The following KRTAP4-12 variants were observed in gnomAD, a reference collection of about 807,000 sequenced individuals.
KRTAP4-12 encodes the protein keratin-associated protein 4-12.
KRTAP4-12 carries 1 observed loss-of-function variant against 0.9 expected under a neutral mutation model. The observed-to-expected ratio is 1.11, with a 90% CI of 0.40 to 5.29. The LOEUF is 5.29. KRTAP4-12 is among the 30% of genes most tolerant of loss of function. KRTAP4-12 has a pLI of 0.16. For missense variants in KRTAP4-12, 240 were observed against 265.6 expected (o/e 0.90, Z 0.67); for synonymous variants, 85 against 94.0 (o/e 0.90, Z 0.55).
rs137999130 is a variant in KRTAP4-12, at chr17:41,123,664, G to C, written c.459C>G (p.Pro153=). Residue 153 remains proline (P), a synonymous_variant, in exon 1 of 1, where the codon CCC becomes CCG. Transcript: ENST00000394014. Reference sequence around the variant, plus strand: ...GGCAGCAGCTGGATTCACAGCAAGAGGGGCAGCAGCTGCTGGAGATGCAGC... The same window carrying C: ...GGCAGCAGCTGGATTCACAGCAAGACGGGCAGCAGCTGCTGGAGATGCAGC... ...PSCCISSSCC[P]SCCESSCCRP... is the part of the protein sequence containing the mutation. The C allele has an allele frequency of 1.6e-3, 2,587 of 1,613,388 alleles. 45 individuals are homozygous for C. The African/African-American group carries it at 0.03, about 19-fold the overall frequency.
Position 41,123,227 on chromosome 17 carries a change from T to C in KRTAP4-12, c.*290A>G, listed in dbSNP as rs1397468775. ...GCTTTAAGATCTGTGGCCCTACAAA[T>C]GATGGAGGCAATCTTCAAATTCCTT... is the stretch of plus-strand genomic sequence containing the variant. On this transcript the variant is annotated 3_prime_UTR_variant, in exon 1 of 1. Transcript: ENST00000394014. 2 of 587,370 alleles carry C rather than the reference T, an allele frequency of 3.4e-6. No homozygotes were observed. Among genetic ancestry groups the C allele is most frequent in the East Asian group, 6.1e-5 (2 of 33,010 alleles). The allele number at this position is 587,370 out of a possible 1,614,324, so 36.4% of individuals were successfully genotyped here.
Position 41,123,327 on chromosome 17 carries a change from G to A in KRTAP4-12, c.*190C>T. 3 of 1,144,492 alleles carry A rather than the reference G, an allele frequency of 2.6e-6. No individual in the cohort carries two copies. Among genetic ancestry groups the A allele is most frequent in the Non-Finnish European group, 3.6e-6 (3 of 823,624 alleles). The allele number at this position is 1,144,492 out of a possible 1,614,324, so 70.9% of individuals were successfully genotyped here. On this transcript the variant is annotated 3_prime_UTR_variant, in exon 1 of 1. Coordinates refer to ENST00000394014, the MANE Select transcript of KRTAP4-12 (RefSeq NM_031854.3). The stretch of plus-strand genomic sequence containing the variant: ...AGGACAATTTGTCAATTTATTAGGA[G>A]ATTGTCAATGAATTCCTTTGGAAGG...
chr17:41,123,362 T>C lies in KRTAP4-12; in HGVS notation c.*155A>G. ...GAATTCCTTTGGAAGGAAGGGAGTT[T>C]GGACAAAAGGTAGAATGCAAATACA... is the stretch of plus-strand genomic sequence containing the variant. On this transcript the variant is annotated 3_prime_UTR_variant, in exon 1 of 1. Transcript: ENST00000394014. The C allele has an allele frequency of 7.3e-7, 1 of 1,378,292 alleles. No homozygotes were observed. The highest frequency in any genetic ancestry group is 9.7e-7 in the Non-Finnish European group (1 of 1,035,454). The allele number at this position is 1,378,292 out of a possible 1,614,324, so 85.4% of individuals were successfully genotyped here.
In KRTAP4-12 at chr17:41,123,413, A is replaced by T. The variant is rs892974278; in HGVS notation, c.*104T>A. Reference sequence around the variant, plus strand: ...GAATTTCTAAGGATGAGGTTTGCTTATGGGACCCAGATCAATTCTCTTGAA... The same window carrying T: ...GAATTTCTAAGGATGAGGTTTGCTTTTGGGACCCAGATCAATTCTCTTGAA... On this transcript the variant is annotated 3_prime_UTR_variant, in exon 1 of 1. Transcript: ENST00000394014. The T allele has an allele frequency of 1.9e-5, 28 of 1,464,872 alleles. 1 individual carries two copies. The African/African-American group carries it at 3.0e-4, about 16-fold the overall frequency. 90.7% of individuals were successfully genotyped at this position (1,464,872 alleles called of 1,614,324 possible).
Position 41,123,181 on chromosome 17 carries a change from C to T in KRTAP4-12, c.*336G>A, listed in dbSNP as rs149098924. ...GCAAAAGACTTTAAGAGAGAGACTT[C>T]ACTGGACTTCAAGGTTGGAGGCTTT... is the stretch of plus-strand genomic sequence containing the variant. On this transcript the variant is annotated 3_prime_UTR_variant, in exon 1 of 1. Transcript: ENST00000394014. 550 of 464,420 alleles carry T rather than the reference C, an allele frequency of 1.2e-3. 8 individuals carry two copies. Among genetic ancestry groups the T allele is most frequent in the African/African-American group, 9.8e-3 (502 of 51,106 alleles). 28.8% of individuals were successfully genotyped at this position (464,420 alleles called of 1,614,324 possible). A position where few individuals can be genotyped will look rare whatever the true frequency, so the allele number is the denominator to read the frequency against.
In KRTAP4-12 at chr17:41,123,325, G is replaced by A; in HGVS notation, c.*192C>T. On this transcript the variant is annotated 3_prime_UTR_variant, in exon 1 of 1. Coordinates refer to ENST00000394014, the MANE Select transcript of KRTAP4-12 (RefSeq NM_031854.3). ...GGAGGACAATTTGTCAATTTATTAG[G>A]AGATTGTCAATGAATTCCTTTGGAA... The A allele has an allele frequency of 8.9e-7, 1 of 1,128,082 alleles. No homozygotes were observed. The allele number at this position is 1,128,082 out of a possible 1,614,324, so 69.9% of individuals were successfully genotyped here.
chr17:41,124,001 C>T lies in KRTAP4-12; in HGVS notation c.122G>A (p.Cys41Tyr), dbSNP rs551903430. ...CTGGGGCCTGCAGCAGCTGGACACA[C>T]AGCAGCTGGGGCGGCAGCAGGTGGT... ...CRTTCCRPSC[C>Y]VSSCCRPQCC... Residue 41 changes from cysteine to tyrosine, a missense_variant, in exon 1 of 1, where the codon TGT becomes TAT. Physicochemically the swap from Cys to Tyr is radical, Grantham distance 194. Coordinates refer to ENST00000394014, the MANE Select transcript of KRTAP4-12 (RefSeq NM_031854.3). The T allele has an allele frequency of 6.2e-7, 1 of 1,605,580 alleles. No individual in the cohort carries two copies. Among genetic ancestry groups the T allele is most frequent in the South Asian group, 1.1e-5 (1 of 90,614 alleles).
Position 41,123,643 on chromosome 17 carries a change from G to A in KRTAP4-12, c.480C>T (p.Cys160=). 6.2e-7 allele frequency: 1 copy of A among 1,613,488 alleles called. No homozygotes were observed. The highest frequency in any genetic ancestry group is 1.7e-5 in the Admixed American group (1 of 59,892). Residue 160 remains cysteine (C), a synonymous_variant, in exon 1 of 1, where the codon TGC becomes TGT. Transcript: ENST00000394014. ...SCCPSCCESS[C]CRPCCCLRPV... ...GACGCAGGCAGCAGCAGGGGCGGCA[G>A]CAGCTGGATTCACAGCAAGAGGGGC... is the stretch of plus-strand genomic sequence containing the variant.
Position 41,124,150 on chromosome 17 carries a change from G to T in KRTAP4-12, c.-28C>A, listed in dbSNP as rs746734102. ...TGTCAGAGGGTGGAGGTTCTCGGTG[G>T]GTTTCCAGGAGAGTGAGTGTTCTGA... On this transcript the variant is annotated 5_prime_UTR_variant, in exon 1 of 1. Coordinates refer to ENST00000394014, the MANE Select transcript of KRTAP4-12 (RefSeq NM_031854.3). 1.3e-6 allele frequency: 2 copies of T among 1,584,554 alleles called. No homozygotes were observed. The highest frequency in any genetic ancestry group is 2.3e-5 in the South Asian group (2 of 86,554).
rs1473689849 is a variant in KRTAP4-12 at position 41,123,332 on chromosome 17, T to C, written c.*185A>G. The C allele has an allele frequency of 1.7e-6, 2 of 1,181,590 alleles. No individual in the cohort carries two copies. Among genetic ancestry groups the C allele is most frequent in the African/African-American group, 3.1e-5 (2 of 64,238 alleles). The allele number at this position is 1,181,590 out of a possible 1,614,324, so 73.2% of individuals were successfully genotyped here. A position where few individuals can be genotyped will look rare whatever the true frequency, so the allele number is the denominator to read the frequency against. ...AATTTGTCAATTTATTAGGAGATTGTCAATGAATTCCTTTGGAAGGAAGGG... is the reference window on the plus strand; with the variant it reads ...AATTTGTCAATTTATTAGGAGATTGCCAATGAATTCCTTTGGAAGGAAGGG... On this transcript the variant is annotated 3_prime_UTR_variant, in exon 1 of 1. Transcript: ENST00000394014.
Position 41,123,317 on chromosome 17 carries a change from T to C in KRTAP4-12, c.*200A>G, listed in dbSNP as rs1384574948. On this transcript the variant is annotated 3_prime_UTR_variant, in exon 1 of 1. Coordinates refer to ENST00000394014, the MANE Select transcript of KRTAP4-12 (RefSeq NM_031854.3). ...AGGATGTTGGAGGACAATTTGTCAA[T>C]TTATTAGGAGATTGTCAATGAATTC... 1.0e-5 allele frequency: 11 copies of C among 1,092,376 alleles called. No individual in the cohort carries two copies. Among genetic ancestry groups the C allele is most frequent in the African/African-American group, 1.6e-5 (1 of 62,578 alleles). 67.7% of individuals were successfully genotyped at this position (1,092,376 alleles called of 1,614,324 possible). A position where few individuals can be genotyped will look rare whatever the true frequency, so the allele number is the denominator to read the frequency against.
In KRTAP4-12 at chr17:41,123,271, T is replaced by C; in HGVS notation, c.*246A>G. On this transcript the variant is annotated 3_prime_UTR_variant, in exon 1 of 1. Transcript: ENST00000394014. ...ATTCCTTAGGCATGATGAATAAATGTCCTGAAGTCAAAGAGGTGGGAGGAT... is the reference window on the plus strand; with the variant it reads ...ATTCCTTAGGCATGATGAATAAATGCCCTGAAGTCAAAGAGGTGGGAGGAT... The C allele has an allele frequency of 1.3e-6, 1 of 749,580 alleles. No individual in the cohort carries two copies. Among genetic ancestry groups the C allele is most frequent in the East Asian group, 2.8e-5 (1 of 36,350 alleles). 46.4% of individuals were successfully genotyped at this position (749,580 alleles called of 1,614,324 possible).
Position 41,123,548 on chromosome 17 carries a change from C to G in KRTAP4-12, c.575G>C (p.Arg192Pro). The G allele has an allele frequency of 6.2e-7, 1 of 1,612,454 alleles. No homozygotes were observed. Among genetic ancestry groups the G allele is most frequent in the Non-Finnish European group, 8.5e-7 (1 of 1,179,396 alleles). ...GCAAGAGGAGGCACAGCACAAGGGG[C>G]GGGGGCAGGTGGAGATGACACAGGT... is the stretch of plus-strand genomic sequence containing the variant. ...RPTCVISTCP[R>P]PLCCASSCC is the part of the protein sequence containing the mutation. The change falls in exon 1 of 1, where the codon CGC (arginine) becomes CCC (proline). Residue 192 changes from arginine to proline, a missense_variant. Physicochemically the swap from Arg to Pro is moderately radical, Grantham distance 103 (BLOSUM62 -2). Transcript: ENST00000394014.
chr17:41,123,888 T>C lies in KRTAP4-12; in HGVS notation c.235A>G (p.Ser79Gly). Residue 79 changes from serine (S) to glycine (G), a missense_variant, in exon 1 of 1, where the codon AGC becomes GGC. This residue lies in a region of KRTAP4-12 where 110 missense variants were observed against 115.0 expected (regional missense o/e 0.96). Coordinates refer to ENST00000394014, the MANE Select transcript of KRTAP4-12 (RefSeq NM_031854.3). Reference protein sequence around the residue: ...TCCRTTCCRPSCCVSSCCRPQ... With the variant: ...TCCRTTCCRPGCCVSSCCRPQ... ...CTGCAGCAGCTGGACACACAGCAGCTGGGGCGGCAGCAGGTGGTCCTACAG... is the reference window on the plus strand; with the variant it reads ...CTGCAGCAGCTGGACACACAGCAGCCGGGGCGGCAGCAGGTGGTCCTACAG... 1 of 1,566,878 alleles carries C rather than the reference T, an allele frequency of 6.4e-7. No individual in the cohort carries two copies. The highest frequency in any genetic ancestry group is 8.5e-7 in the Non-Finnish European group (1 of 1,172,574).
rs756523271 is a variant in KRTAP4-12 at position 41,124,058 on chromosome 17, C to T, written c.65G>A (p.Arg22His). The T allele has an allele frequency of 1.9e-5, 31 of 1,613,598 alleles. No individual in the cohort carries two copies. The highest frequency in any genetic ancestry group is 1.3e-4 in the East Asian group (6 of 44,874). The change falls in exon 1 of 1, where the codon CGC (arginine) becomes CAC (histidine). Residue 22 changes from arginine (R) to histidine (H), a missense_variant. Arg to His is a conservative substitution (Grantham distance 29). Around this residue, in one of 3 missense-constraint regions of KRTAP4-12, gnomAD observed 110 missense variants for 115.0 expected, o/e 0.96. Transcript: ENST00000394014. Reference sequence around the variant, plus strand: ...GCAGGTGGTCTGGCAGCAGCTGGGGCGGCAGCAGTTCTCCAGGCCACAGCC... The same window carrying T: ...GCAGGTGGTCTGGCAGCAGCTGGGGTGGCAGCAGTTCTCCAGGCCACAGCC... ...DQGCGLENCC[R>H]PSCCQTTCCR...
In KRTAP4-12 at chr17:41,123,163, A is replaced by G. The variant is rs570034369; in HGVS notation, c.*354T>C. 20 of 394,530 alleles carry G rather than the reference A, an allele frequency of 5.1e-5. No individual in the cohort carries two copies. The highest frequency in any genetic ancestry group is 8.2e-5 in the African/African-American group (4 of 48,912). 24.4% of individuals were successfully genotyped at this position (394,530 alleles called of 1,614,324 possible). A position where few individuals can be genotyped will look rare whatever the true frequency, so the allele number is the denominator to read the frequency against. On this transcript the variant is annotated 3_prime_UTR_variant, in exon 1 of 1. Coordinates refer to ENST00000394014, the MANE Select transcript of KRTAP4-12 (RefSeq NM_031854.3). ...CAAGGTACAAAAATGTTTGCAAAAG[A>G]CTTTAAGAGAGAGACTTCACTGGAC...
rs566781197 is a variant in KRTAP4-12, at chr17:41,123,697, G to A, written c.426C>T (p.Arg142=). The A allele has an allele frequency of 2.5e-6, 4 of 1,612,786 alleles. No homozygotes were observed. The highest frequency in any genetic ancestry group is 3.4e-6 in the Non-Finnish European group (4 of 1,179,828). The change falls in exon 1 of 1, where the codon CGC becomes CGT. Residue 142 remains arginine (R), a synonymous_variant. Coordinates refer to ENST00000394014, the MANE Select transcript of KRTAP4-12 (RefSeq NM_031854.3). ...QSVCCQPTCC[R]PSCCISSSCC... Reference sequence around the variant, plus strand: ...AGCTGCTGGAGATGCAGCAGCTGGGGCGGCAGCAGGTGGGCTGGCAGCACA... The same window carrying A: ...AGCTGCTGGAGATGCAGCAGCTGGGACGGCAGCAGGTGGGCTGGCAGCACA...
rs372072171 is a variant in KRTAP4-12, at chr17:41,123,568, A to G, written c.555T>C (p.Cys185=). 1.2e-6 allele frequency: 2 copies of G among 1,612,788 alleles called. No individual in the cohort carries two copies. Among genetic ancestry groups the G allele is most frequent in the African/African-American group, 2.7e-5 (2 of 74,808 alleles). The change falls in exon 1 of 1, where the codon TGT becomes TGC. Residue 185 remains cysteine, a synonymous_variant. Transcript: ENST00000394014. Reference sequence around the variant, plus strand: ...AGGGGCGGGGGCAGGTGGAGATGACACAGGTTGGGCGATAGCAAGTGGTGT... The same window carrying G: ...AGGGGCGGGGGCAGGTGGAGATGACGCAGGTTGGGCGATAGCAAGTGGTGT... ...SCHTTCYRPT[C]VISTCPRPLC...
rs1387423248 is a variant in KRTAP4-12, at chr17:41,124,098, C to G, written c.25G>C (p.Val9Leu). The G allele has an allele frequency of 1.7e-5, 28 of 1,612,768 alleles. No individual in the cohort carries two copies. Among genetic ancestry groups the G allele is most frequent in the Non-Finnish European group, 2.4e-5 (28 of 1,179,478 alleles). The change falls in exon 1 of 1, where the codon GTG becomes CTG. Residue 9 changes from valine to leucine, a missense_variant. Val to Leu is a conservative substitution (Grantham distance 32). Transcript: ENST00000394014. The part of the protein sequence containing the change: MVNSCCGS[V>L]CSDQGCGLEN... Reference sequence around the variant, plus strand: ...AGGCCACAGCCCTGGTCAGAGCACACAGAGCCACAACAGGAGTTGACCATG... The same window carrying G: ...AGGCCACAGCCCTGGTCAGAGCACAGAGAGCCACAACAGGAGTTGACCATG...
Sources: allele counts gnomAD v4.1 joint callset, GRCh38; gene constraint gnomAD v4.1.1; regional missense constraint gnomAD v4.1.1; transcripts MANE v1.5; gene names NCBI Gene and HGNC (gene_info 2026-07-23, HGNC 2026-07-21).